The following TMEM150C variants were observed in gnomAD, a reference collection of about 807,000 sequenced individuals.
The protein encoded by TMEM150C is transmembrane protein 150C, also known as tentonin 3.
In TMEM150C, 10 loss-of-function variants were observed where a neutral mutation model predicts 29.9. That is an observed-to-expected ratio of 0.33 (90% CI 0.21 to 0.57). TMEM150C has a LOEUF of 0.57. TMEM150C is among the 20% of genes least tolerant of loss of function. The pLI, the probability that TMEM150C is intolerant of heterozygous loss-of-function variation, is 0.88. For missense variants in TMEM150C, 251 were observed against 303.6 expected, an observed-to-expected ratio of 0.83 and a Z score of 1.29; for synonymous variants, 101 against 112.5, an observed-to-expected ratio of 0.90 and a Z score of 0.64.
chr4:82,502,957 C>T, intron 3 of TMEM150C, 30 bp from the exon 4 acceptor site: 1 of 1,585,750 alleles, frequency 6.3e-7, no homozygotes, highest in Non-Finnish European at 8.6e-7. Flanking sequence ...AACACAGAAG[C>T]TCAGGTTAAA....
At chr4:82,491,425 A>G in intron 6 of TMEM150C, 2 of 674,160 alleles carry the variant, frequency 3.0e-6, no homozygotes, top group Non-Finnish European at 5.3e-6. Flanking sequence ...AGCCGCTTAT[A>G]GAGGATGGCT....
chr4:82,500,223 A>AT (rs1470960683), intron 5 of TMEM150C, among the ~76,000 whole-genome samples: 2 of 152,238 alleles, frequency 1.3e-5, no homozygotes, highest in African/African-American at 4.8e-5. Flanking sequence ...ACACTGACTC[A>AT]TTTTTAGATT....
At position 82,496,212 on chromosome 4, in the gene TMEM150C, G is replaced by A. The variant is rs200932187; in HGVS notation, c.236-17C>T. The A allele has an allele frequency of 2.2e-3, 3,543 of 1,609,552 alleles. 12 individuals are homozygous for A. Among genetic ancestry groups the A allele is most frequent in the Middle Eastern group, 9.6e-3 (58 of 6,036 alleles). On this transcript the variant is annotated splice_polypyrimidine_tract_variant and intron_variant, in intron 5 of 7. Coordinates refer to ENST00000449862, the MANE Select transcript of TMEM150C (RefSeq NM_001080506.3). ...CCACAAGGGCTAGGAATAAAGCAAA[G>A]TCTTAAAATGGAAGAAATTAAATCA...
At chr4:82,489,127 C>T (rs1189892618) in intron 7 of TMEM150C, among the ~76,000 whole-genome samples, 2 of 145,354 alleles carry the variant, frequency 1.4e-5, no homozygotes, top group East Asian at 2.0e-4. Flanking sequence ...ATCTTGAGCT[C>T]CTGACTTCAA....
chr4:82,548,023 T>C (rs534159195), intron 1 of TMEM150C, among the ~76,000 whole-genome samples: 1 of 152,214 alleles, frequency 6.6e-6, no homozygotes, highest in East Asian at 1.9e-4. Context: ...TATACAGCCA[T>C]AAAAAAGAAT....
At chr4:82,528,236 T>G (rs1369808274) in intron 1 of TMEM150C, among the ~76,000 whole-genome samples, 1 of 152,206 alleles carries the variant, frequency 6.6e-6, no homozygotes, top group Non-Finnish European at 1.5e-5. Flanking sequence ...CCATGAAGAA[T>G]GAGTCATTCA....
chr4:82,529,008 C>T (rs1166779468), intron 1 of TMEM150C, among the ~76,000 whole-genome samples: 3 of 151,970 alleles, frequency 2.0e-5, no homozygotes, highest in Non-Finnish European at 4.4e-5. Flanking sequence ...TGGGAGTCTA[C>T]ACAGAGTGGT....
chr4:82,515,681 G>A lies in TMEM150C; in HGVS notation c.-10-11014C>T, dbSNP rs190913347. Among the ~76,000 whole-genome samples, 16 of 151,580 alleles carry A rather than the reference G, an allele frequency of 1.1e-4. No individual in the cohort carries two copies. In the South Asian group the frequency reaches 2.1e-3, roughly 20 times the overall value. ...GAACCCAGGAGGCAGAGGTTGCAGC[G>A]AGCTGAGATCGTGCCACTGCATTTC... On this transcript the variant is annotated intron_variant, in intron 1 of 7. Transcript: ENST00000449862.
intron 5 of TMEM150C, among the ~76,000 whole-genome samples, chr4:82,498,302 T>A (rs1723621942): frequency 6.6e-6 from 1 of 151,194 alleles, no homozygotes; most frequent in African/African-American, 2.4e-5. Context: ...GGCATGAGCC[T>A]ATAATATAGA....
chr4:82,510,165 G>A (rs901695822), intron 1 of TMEM150C, among the ~76,000 whole-genome samples: 1 of 152,032 alleles, frequency 6.6e-6, no homozygotes, highest in Admixed American at 6.6e-5. Context: ...TGTAGTCCCA[G>A]CTACTTGGGA....
At chr4:82,536,096 C>T (rs1724994589) in intron 1 of TMEM150C, among the ~76,000 whole-genome samples, 1 of 152,110 alleles carries the variant, frequency 6.6e-6, no homozygotes, top group African/African-American at 2.4e-5. Context: ...CGTGGTGGCT[C>T]ATACCTGTAA....
chr4:82,501,672 AC>A (rs1299736919), intron 5 of TMEM150C, among the ~76,000 whole-genome samples: 1 of 152,132 alleles, frequency 6.6e-6, no homozygotes, highest in Admixed American at 6.6e-5. Flanking sequence ...GGCTTTCTGA[AC>A]CAGCTAAGTT....
At chr4:82,486,919 T>G (rs1723182141) in intron 7 of TMEM150C, among the ~76,000 whole-genome samples, 1 of 152,116 alleles carries the variant, frequency 6.6e-6, no homozygotes, top group South Asian at 2.1e-4. Context: ...GCCAAGTGTC[T>G]GAGGAACTAG....
chr4:82,492,006 G>A (rs1455054051), intron 6 of TMEM150C, among the ~76,000 whole-genome samples: 1 of 146,184 alleles, frequency 6.8e-6, no homozygotes, highest in Non-Finnish European at 1.5e-5. Context: ...GTGGCACTCA[G>A]TTCACTGCAA....
intron 5 of TMEM150C, among the ~76,000 whole-genome samples, chr4:82,498,373 T>C (rs746185564): frequency 6.6e-6 from 1 of 152,002 alleles, no homozygotes; most frequent in Non-Finnish European, 1.5e-5. Context: ...CACTGCGACC[T>C]CCGCCTCCTG....
intron 6 of TMEM150C, among the ~76,000 whole-genome samples, chr4:82,492,575 C>T (rs767261841): frequency 6.6e-6 from 1 of 151,894 alleles, no homozygotes; most frequent in African/African-American, 2.4e-5. Context: ...ATAGAGGACT[C>T]CCATTTAGGT....
intron 1 of TMEM150C, among the ~76,000 whole-genome samples, chr4:82,543,939 C>T (rs552710110): frequency 1.9e-4 from 29 of 152,278 alleles, no homozygotes; most frequent in African/African-American, 6.7e-4. Flanking sequence ...ACAGATCCTC[C>T]TTTGATACAT....
At chr4:82,526,224 G>C (rs1257420150) in intron 1 of TMEM150C, among the ~76,000 whole-genome samples, 1 of 152,192 alleles carries the variant, frequency 6.6e-6, no homozygotes, top group Non-Finnish European at 1.5e-5. Context: ...AACTTTGATA[G>C]GAAAGTACAG....
At chr4:82,542,047 T>C (rs1459022242) in intron 1 of TMEM150C, among the ~76,000 whole-genome samples, 2 of 152,220 alleles carry the variant, frequency 1.3e-5, no homozygotes, top group African/African-American at 4.8e-5. Flanking sequence ...ACAGTTTTCC[T>C]AAATGCCCAA....
Sources: allele counts gnomAD v4.1 joint callset (sites outside exome capture counted in the v4.1 genomes callset), GRCh38; gene constraint gnomAD v4.1.1; transcripts MANE v1.5; gene names NCBI Gene and HGNC (gene_info 2026-07-23, HGNC 2026-07-21).